Variants in NFX1 observed in about 807,000 individuals in gnomAD.
NFX1 encodes nuclear transcription factor, X-box binding 1, also known as transcriptional repressor NF-X1.
In NFX1, 69 loss-of-function variants were observed where a neutral mutation model predicts 137.2. The observed-to-expected ratio is 0.50, with a 90% CI of 0.41 to 0.61. The LOEUF (loss-of-function observed/expected upper bound fraction) is 0.61. Ranked by LOEUF, NFX1 falls within the 20% of genes least tolerant of loss-of-function variation. The pLI, the probability that NFX1 is intolerant of heterozygous loss-of-function variation, is 0.00. For missense variants in NFX1, 1,167 were observed against 1,391.0 expected (o/e 0.84, Z 2.56); for synonymous variants, 495 against 474.1 (o/e 1.04, Z -0.57).
chr9:33,355,629 C>T (rs1564145346), intron 19 of NFX1, among the ~76,000 whole-genome samples: 1 of 144,934 alleles, frequency 6.9e-6, no homozygotes, highest in South Asian at 2.2e-4. Flanking sequence ...ACAAATAAAA[C>T]TGTTAAGAAT....
intron 10 of NFX1, 116 bp from the exon 11 acceptor site, chr9:33,332,356 A>C (rs1016805430): frequency 2.1e-6 from 2 of 965,166 alleles, no homozygotes; most frequent in Non-Finnish European, 3.1e-6. Flanking sequence ...TGAATAAGTG[A>C]CTATCAGAGA....
chr9:33,294,481 T>TCAAATTGTCCCAGAATTGTGGGA lies in NFX1; in HGVS notation c.88_89insAAATTGTCCCAGAATTGTGGGAC (p.Leu30GlnfsTer9). ...TTCCTCAGGAGAAAAAAAATTCTGG[T>TCAAATTGTCCCAGAATTGTGGGA]CTAAATTGTGGGACTCAAAGGAGAC... is the stretch of plus-strand genomic sequence containing the variant. On this transcript the variant is annotated frameshift_variant, in exon 2 of 24. Transcript: ENST00000379540. LOFTEE classifies it high-confidence loss of function. 1 of 1,608,926 alleles carries TCAAATTGTCCCAGAATTGTGGGA rather than the reference T, an allele frequency of 6.2e-7. No individual in the cohort carries two copies. The highest frequency in any genetic ancestry group is 8.5e-7 in the Non-Finnish European group (1 of 1,178,344).
At chr9:33,290,702 T>C in intron 1 of NFX1, 105 bp downstream of exon 1, 5 of 1,130,150 alleles carry the variant, frequency 4.4e-6, no homozygotes, top group East Asian at 2.4e-5. Context: ...GAGTAGCACA[T>C]GCTAGGGCGT....
intron 19 of NFX1, among the ~76,000 whole-genome samples, chr9:33,360,052 C>T (rs545597093): frequency 1.3e-5 from 2 of 152,232 alleles, no homozygotes; most frequent in Admixed American, 6.5e-5. Flanking sequence ...TAGTGAGTGC[C>T]GTTCAAAACC....
At chr9:33,337,764 G>A (rs1823060551) in intron 11 of NFX1, among the ~76,000 whole-genome samples, 1 of 150,416 alleles carries the variant, frequency 6.6e-6, no homozygotes, top group African/African-American at 2.4e-5. Context: ...AACAAAAACT[G>A]ATGGCCGGGC....
chr9:33,311,212 GT>G, intron 6 of NFX1, 35 bp downstream of exon 6: 2 of 1,549,506 alleles, frequency 1.3e-6, no homozygotes, highest in African/African-American at 1.4e-5. Context: ...GAAGACCTCA[GT>G]TTTCACATGC....
chr9:33,304,223 T>C (rs1166417236), intron 4 of NFX1, among the ~76,000 whole-genome samples: 1 of 152,160 alleles, frequency 6.6e-6, no homozygotes, highest in Non-Finnish European at 1.5e-5. Context: ...GATCATGCCA[T>C]TGCACTCCAG....
At chr9:33,365,930 C>CT (rs1254473241) in intron 21 of NFX1, 5 of 152,204 alleles carry the variant, frequency 3.3e-5, no homozygotes, top group African/African-American at 7.2e-5. Context: ...ACGGAGGTAG[C>CT]TTTAAGTGGA....
intron 15 of NFX1, among the ~76,000 whole-genome samples, chr9:33,349,699 C>T (rs1189673904): frequency 6.6e-6 from 1 of 151,962 alleles, no homozygotes; most frequent in Admixed American, 6.6e-5. Context: ...ATTGGGGGTT[C>T]TATCCCCTGT....
chr9:33,353,845 T>C (rs930161086), intron 17 of NFX1, among the ~76,000 whole-genome samples: 4 of 152,072 alleles, frequency 2.6e-5, no homozygotes. Context: ...CCTGCTACCA[T>C]GCCTGGCTAA....
chr9:33,301,167 T>C (rs1401516208), intron 2 of NFX1, 96 bp from the exon 3 acceptor site: 25 of 1,138,160 alleles, frequency 2.2e-5, no homozygotes, highest in Non-Finnish European at 3.1e-5. Flanking sequence ...GTTTGGATTC[T>C]TCTCTTGAGT....
At chr9:33,347,737 A>G (rs560873428) in intron 15 of NFX1, 14 of 391,966 alleles carry the variant, frequency 3.6e-5, no homozygotes, top group South Asian at 2.7e-4. Context: ...ACGCATGTTT[A>G]TAGCAGCACA....
At chr9:33,358,222 T>G (rs1294756432) in intron 19 of NFX1, among the ~76,000 whole-genome samples, 2 of 151,970 alleles carry the variant, frequency 1.3e-5, no homozygotes, top group Non-Finnish European at 2.9e-5. Flanking sequence ...CCTCCCGGGT[T>G]CACGCCATTC....
In NFX1 at chr9:33,363,573, C is replaced by T. The variant is rs577066016; in HGVS notation, c.2874-437C>T. Among the ~76,000 whole-genome samples, 69 of 152,022 alleles carry T rather than the reference C, an allele frequency of 4.5e-4. 1 individual carries two copies. The highest frequency in any genetic ancestry group is 8.2e-4 in the Non-Finnish European group (56 of 67,956). ...TCCTAGGATTACTGGTGTGAGCCAC[C>T]GCACCCAGCCAAGAAATGTATAAAA... On this transcript the variant is annotated intron_variant, in intron 19 of 23. Coordinates refer to ENST00000379540, the MANE Select transcript of NFX1 (RefSeq NM_002504.6).
chr9:33,307,406 T>A (rs1821791065), intron 5 of NFX1, 107 bp downstream of exon 5: 1 of 896,444 alleles, frequency 1.1e-6, no homozygotes, highest in Middle Eastern at 2.2e-4. Context: ...TGAAGGGTGA[T>A]ATGGGACCTC....
chr9:33,311,058 G>T, intron 5 of NFX1, 48 bp from the exon 6 acceptor site: 2 of 1,585,306 alleles, frequency 1.3e-6, no homozygotes, highest in Non-Finnish European at 1.7e-6. Context: ...CTTTGTTCGG[G>T]TTTGGATACA....
intron 7 of NFX1, among the ~76,000 whole-genome samples, chr9:33,317,190 G>A (rs918401480): frequency 2.0e-5 from 3 of 149,960 alleles, no homozygotes; most frequent in Non-Finnish European, 3.0e-5. Context: ...AGGCCAGGAT[G>A]GGCTGATCAC....
At chr9:33,291,604 C>A (rs1195275548) in intron 1 of NFX1, among the ~76,000 whole-genome samples, 1 of 152,132 alleles carries the variant, frequency 6.6e-6, no homozygotes, top group Non-Finnish European at 1.5e-5. Flanking sequence ...TACTATGGTT[C>A]TTAGTTTAAA....
intron 10 of NFX1, among the ~76,000 whole-genome samples, 169 bp from the exon 11 acceptor site, chr9:33,332,303 A>G (rs1822836092): frequency 6.6e-6 from 1 of 152,242 alleles, no homozygotes; most frequent in Admixed American, 6.5e-5. Context: ...AAGCTCATTC[A>G]TATAGGGATT....
Sources: gnomAD v4.1 joint callset for allele counts (sites outside exome capture counted in the v4.1 genomes callset) on GRCh38, gnomAD v4.1.1 for gene constraint, MANE v1.5 for transcripts, NCBI Gene and HGNC (gene_info 2026-07-23, HGNC 2026-07-21) for gene names.